The following CSNK2A2IP variants were observed in gnomAD, a reference collection of about 807,000 sequenced individuals.
CSNK2A2IP encodes the protein casein kinase 2 subunit alpha' interacting protein.
the CSNK2A2IP span, among the ~76,000 whole-genome samples, chr3:88,349,908 A>G: frequency 5.9e-5 from 9 of 151,988 alleles, no homozygotes; most frequent in Non-Finnish European, 8.8e-5. Context: ...TGAGCAGAAA[A>G]TGGCAATTTC....
the CSNK2A2IP span, among the ~76,000 whole-genome samples, chr3:88,379,899 A>C: frequency 4.6e-5 from 7 of 152,108 alleles, no homozygotes; most frequent in African/African-American, 1.7e-4. Flanking sequence ...TCTCATGCAG[A>C]TATCAAACAA....
the CSNK2A2IP span, among the ~76,000 whole-genome samples, chr3:88,391,209 C>T: frequency 2.0e-5 from 3 of 152,126 alleles, no homozygotes; most frequent in Admixed American, 2.0e-4. Context: ...GATATTAATA[C>T]CTAATTCATG....
the CSNK2A2IP span, among the ~76,000 whole-genome samples, chr3:88,429,670 T>C: frequency 6.6e-6 from 1 of 152,206 alleles, no homozygotes; most frequent in Non-Finnish European, 1.5e-5. Flanking sequence ...GTCAAGAAAT[T>C]TGTGAAACCC....
the CSNK2A2IP span, among the ~76,000 whole-genome samples, chr3:88,356,191 C>T: frequency 3.9e-5 from 6 of 152,156 alleles, no homozygotes; most frequent in Non-Finnish European, 5.9e-5. Context: ...GAACTTATTT[C>T]GTCTATCTAA....
the CSNK2A2IP span, among the ~76,000 whole-genome samples, chr3:88,360,259 G>A: frequency 2.7e-5 from 4 of 150,670 alleles, no homozygotes; most frequent in Admixed American, 1.3e-4. Context: ...TCAGCCTCCC[G>A]AGTAGCTGGG....
At chr3:88,451,901 T>C in the CSNK2A2IP span, among the ~76,000 whole-genome samples, 1 of 152,094 alleles carries the variant, frequency 6.6e-6, no homozygotes, top group African/African-American at 2.4e-5. Context: ...TTTATAATTT[T>C]ATACCTGTAA....
chr3:88,455,909 T>A, the CSNK2A2IP span, among the ~76,000 whole-genome samples: 8 of 14,466 alleles, frequency 5.5e-4, no homozygotes, highest in Non-Finnish European at 2.3e-3. Flanking sequence ...TATTTAATGA[T>A]TTTTTTTTTG....
the CSNK2A2IP span, among the ~76,000 whole-genome samples, chr3:88,431,475 G>A: frequency 6.6e-6 from 1 of 152,156 alleles, no homozygotes; most frequent in Non-Finnish European, 1.5e-5. Context: ...GGAAGGGGGT[G>A]AAGGATAAAA....
the CSNK2A2IP span, among the ~76,000 whole-genome samples, chr3:88,428,710 G>C: frequency 6.6e-6 from 1 of 152,154 alleles, no homozygotes; most frequent in Admixed American, 6.5e-5. Context: ...AAAACAGTTT[G>C]AGGGCTGAAT....
chr3:88,447,215 C>T, the CSNK2A2IP span, among the ~76,000 whole-genome samples: 1 of 151,946 alleles, frequency 6.6e-6, no homozygotes, highest in Admixed American at 6.6e-5. Context: ...AGCAGAGAAA[C>T]ATAAATGGCC....
the CSNK2A2IP span, among the ~76,000 whole-genome samples, chr3:88,391,283 G>T: frequency 1.9e-4 from 29 of 152,010 alleles, no homozygotes; most frequent in South Asian, 1.0e-3. Flanking sequence ...ATTATTTTTG[G>T]TTTTTTTGCA....
the CSNK2A2IP span, among the ~76,000 whole-genome samples, chr3:88,395,273 T>G: frequency 6.6e-6 from 1 of 152,204 alleles, no homozygotes; most frequent in African/African-American, 2.4e-5. Flanking sequence ...CATGAAAAAT[T>G]TCTCCTTTTT....
the CSNK2A2IP span, among the ~76,000 whole-genome samples, chr3:88,461,616 G>A: frequency 1.3e-5 from 2 of 152,058 alleles, no homozygotes; most frequent in Non-Finnish European, 2.9e-5. Context: ...CAAAGGAGTT[G>A]TATCAACTTA....
the CSNK2A2IP span, among the ~76,000 whole-genome samples, chr3:88,346,121 G>A: frequency 1.3e-5 from 2 of 151,954 alleles, no homozygotes; most frequent in African/African-American, 2.4e-5. Context: ...TCCAGAGCAA[G>A]GCTTCTAACT....
the CSNK2A2IP span, among the ~76,000 whole-genome samples, chr3:88,389,065 G>A: frequency 7.2e-5 from 11 of 152,018 alleles, no homozygotes; most frequent in South Asian, 1.7e-3. Flanking sequence ...ATTTTACTGC[G>A]AGGAGATACA....
chr3:88,357,818 G>A, the CSNK2A2IP span, among the ~76,000 whole-genome samples: 443 of 151,560 alleles, frequency 2.9e-3, 12 homozygotes, highest in East Asian at 0.074. Flanking sequence ...GCAGTGGCAT[G>A]ATCTTGGCTC....
At chr3:88,454,735 A>G in the CSNK2A2IP span, among the ~76,000 whole-genome samples, 1 of 152,008 alleles carries the variant, frequency 6.6e-6, no homozygotes, top group Non-Finnish European at 1.5e-5. Flanking sequence ...AAGTAATTAC[A>G]GTAACAAAGC....
chr3:88,373,382 A>G, the CSNK2A2IP span, among the ~76,000 whole-genome samples: 2 of 151,556 alleles, frequency 1.3e-5, no homozygotes, highest in East Asian at 3.9e-4. Flanking sequence ...AAAATAATCA[A>G]TGGATTAAAG....
chr3:88,435,953 AC>A, the CSNK2A2IP span, among the ~76,000 whole-genome samples: 1 of 124,922 alleles, frequency 8.0e-6, no homozygotes, highest in African/African-American at 3.0e-5. Context: ...TATATAATGC[AC>A]ATTATGTGTG....
Sources: allele counts gnomAD v4.1 joint callset (sites outside exome capture counted in the v4.1 genomes callset), GRCh38; gene constraint gnomAD v4.1.1; transcripts MANE v1.5; gene names NCBI Gene and HGNC (gene_info 2026-07-23, HGNC 2026-07-21).